Variants in APBA2 observed in about 807,000 individuals in gnomAD.
APBA2 encodes the protein amyloid-beta A4 precursor protein-binding family A member 2.
In APBA2, 30 loss-of-function variants were observed where a neutral mutation model predicts 75.0. The observed-to-expected ratio is 0.40, with a 90% CI of 0.30 to 0.54. The LOEUF (loss-of-function observed/expected upper bound fraction) is 0.54. Ranked by LOEUF, APBA2 falls within the 20% of genes least tolerant of loss-of-function variation. The probability of loss-of-function intolerance (pLI) is 0.49; values close to 1 mark genes in which losing one functional copy is unlikely to be tolerated. For missense variants in APBA2, 801 were observed against 1,016.1 expected (o/e 0.79, Z 2.88); for synonymous variants, 444 against 409.6 (o/e 1.08, Z -1.01).
chr15:29,103,862 TGCCCCCGGCCCTCCTGCCGAGCC>T (rs2044259945), intron 10 of APBA2, among the ~76,000 whole-genome samples: 2 of 152,192 alleles, frequency 1.3e-5, no homozygotes, highest in Admixed American at 1.3e-4. Context: ...GCGCGGGCGC[TGCCCCCGGCCCTCCTGCCGAGCC>T]CCATCAGCTC....
chr15:29,108,052 G>A (rs1436605696), intron 12 of APBA2, among the ~76,000 whole-genome samples: 4 of 152,184 alleles, frequency 2.6e-5, no homozygotes, highest in Non-Finnish European at 5.9e-5. Context: ...GACAGAGGGC[G>A]CAGTGCTGCC....
Position 29,106,807 on chromosome 15 carries a change from A to G in APBA2, c.1905A>G (p.Gln635=). ...TGGGGCTGCCCCTCGCCACCTGCCAAGGCATCATCAAGGTAGGCACCCTGG... is the reference window on the plus strand; with the variant it reads ...TGGGGCTGCCCCTCGCCACCTGCCAGGGCATCATCAAGGTAGGCACCCTGG... ...SLVGLPLATC[Q]GIIKGLKNQT... is the part of the protein sequence containing the mutation. The change falls in exon 12 of 15, where the codon CAA becomes CAG. Residue 635 remains glutamine (Q), a synonymous_variant. Transcript: ENST00000683413. 1 of 1,612,818 alleles carries G rather than the reference A, an allele frequency of 6.2e-7. No individual in the cohort carries two copies. The highest frequency in any genetic ancestry group is 1.1e-5 in the South Asian group (1 of 91,082).
intron 2 of APBA2, among the ~76,000 whole-genome samples, chr15:28,942,902 C>T (rs2035316866): frequency 2.6e-5 from 4 of 152,188 alleles, no homozygotes; most frequent in Admixed American, 2.0e-4. Flanking sequence ...GGAGCAGCCC[C>T]TGAGCGACTC....
At chr15:29,069,092 C>T (rs1210367943) in intron 4 of APBA2, among the ~76,000 whole-genome samples, 1 of 152,164 alleles carries the variant, frequency 6.6e-6, no homozygotes, top group Non-Finnish European at 1.5e-5. Context: ...CCGGATATTC[C>T]ATAAAGATAG....
At chr15:28,997,380 G>A (rs2038585478) in intron 3 of APBA2, among the ~76,000 whole-genome samples, 1 of 152,170 alleles carries the variant, frequency 6.6e-6, no homozygotes, top group African/African-American at 2.4e-5. Context: ...GTACTTTTGT[G>A]CTCTCAACAG....
At chr15:28,981,886 T>C (rs888454977) in intron 2 of APBA2, among the ~76,000 whole-genome samples, 1 of 152,200 alleles carries the variant, frequency 6.6e-6, no homozygotes, top group African/African-American at 2.4e-5. Context: ...GCCATTATCC[T>C]AAGCAAATTA....
At chr15:29,095,520 C>G (rs1003568169) in intron 8 of APBA2, among the ~76,000 whole-genome samples, 3 of 152,232 alleles carry the variant, frequency 2.0e-5, no homozygotes, top group African/African-American at 7.2e-5. Flanking sequence ...CCTCCTCATA[C>G]AGAAAATATC....
chr15:29,109,972 C>G (rs2044642950), intron 13 of APBA2, among the ~76,000 whole-genome samples: 1 of 152,210 alleles, frequency 6.6e-6, no homozygotes, highest in South Asian at 2.1e-4. Flanking sequence ...GCCGCAGGAG[C>G]TCGCCAGCTG....
rs190423987 is a variant in APBA2, at chr15:29,033,425, A to G, written c.-40-20420A>G. Among the ~76,000 whole-genome samples the G allele has an allele frequency of 9.2e-5, 14 of 152,094 alleles. No individual in the cohort carries two copies. The East Asian group carries it at 2.5e-3, about 27-fold the overall frequency. ...CAAAACCTGCTTCCTCAACTCTCCA[A>G]AGTCAGCCAAGCGAGAGGTTATGGG... On this transcript the variant is annotated intron_variant, in intron 3 of 14. Transcript: ENST00000683413.
intron 4 of APBA2, among the ~76,000 whole-genome samples, chr15:29,072,356 AT>A (rs1231647991): frequency 6.6e-6 from 1 of 152,218 alleles, no homozygotes; most frequent in Non-Finnish European, 1.5e-5. Context: ...GCACCTTGAA[AT>A]AGCAAAGTGT....
At chr15:28,982,747 A>C (rs2037691255) in intron 2 of APBA2, among the ~76,000 whole-genome samples, 1 of 152,338 alleles carries the variant, frequency 6.6e-6, no homozygotes, top group Non-Finnish European at 1.5e-5. Context: ...GACCAGCATG[A>C]CCAATTCAAG....
At chr15:29,040,891 C>T (rs189254973) in intron 3 of APBA2, among the ~76,000 whole-genome samples, 2 of 152,060 alleles carry the variant, frequency 1.3e-5, no homozygotes, top group Non-Finnish European at 2.9e-5. Context: ...AGGCAATTAA[C>T]AAATGTCAAC....
chr15:28,923,571 A>T, intron 2 of APBA2, among the ~76,000 whole-genome samples: 2 of 12,494 alleles, frequency 1.6e-4, no homozygotes, highest in East Asian at 2.2e-3. Flanking sequence ...AGTCTGGGGG[A>T]GGTGTGGGGT....
At chr15:28,909,236 C>T (rs552956153) in intron 1 of APBA2, among the ~76,000 whole-genome samples, 166 of 152,176 alleles carry the variant, frequency 1.1e-3, no homozygotes, top group Non-Finnish European at 2.0e-3. Flanking sequence ...GTGATCCGCC[C>T]GCCTCGGCCT....
intron 1 of APBA2, among the ~76,000 whole-genome samples, chr15:28,895,079 C>A (rs1431086664): frequency 1.3e-5 from 2 of 152,212 alleles, no homozygotes; most frequent in Non-Finnish European, 2.9e-5. Flanking sequence ...GATTAACTTG[C>A]CCCTGTTTTT....
At chr15:29,066,133 G>A (rs2042370852) in intron 4 of APBA2, among the ~76,000 whole-genome samples, 1 of 152,132 alleles carries the variant, frequency 6.6e-6, no homozygotes, top group Non-Finnish European at 1.5e-5. Flanking sequence ...TGCGGCCCCA[G>A]TTATGTGAAA....
chr15:28,969,663 GT>G (rs927943967), intron 2 of APBA2, among the ~76,000 whole-genome samples: 1 of 152,190 alleles, frequency 6.6e-6, no homozygotes, highest in Non-Finnish European at 1.5e-5. Flanking sequence ...CTTTGGCAAG[GT>G]GTCCGGAGTT....
chr15:29,040,823 T>C (rs12441723), intron 3 of APBA2, among the ~76,000 whole-genome samples: 32,132 of 152,132 alleles, frequency 0.21, 4,271 homozygotes, highest in East Asian at 0.45. Context: ...AAAATCTGAC[T>C]AATTCTTCAG....
chr15:28,939,434 T>C (rs537677678), intron 2 of APBA2, among the ~76,000 whole-genome samples: 1 of 152,320 alleles, frequency 6.6e-6, no homozygotes, highest in Admixed American at 6.5e-5. Flanking sequence ...TGCCATACTA[T>C]TTTCCACAGC....
Sources: gnomAD v4.1 joint callset for allele counts (sites outside exome capture counted in the v4.1 genomes callset) on GRCh38, gnomAD v4.1.1 for gene constraint, MANE v1.5 for transcripts, NCBI Gene and HGNC (gene_info 2026-07-23, HGNC 2026-07-21) for gene names.